Variants in KLC1 observed in about 807,000 individuals in gnomAD.
The protein encoded by KLC1 is kinesin 2 60/70kDa.
A neutral mutation model predicts 84.2 loss-of-function variants in KLC1; 30 were observed. The ratio of observed to expected loss-of-function variants is 0.36; its 90% CI spans 0.27 to 0.48. The LOEUF is 0.48. Among genes scored for constraint, KLC1 ranks in the 20% least tolerant of loss-of-function variants. The pLI, the probability that KLC1 is intolerant of heterozygous loss-of-function variation, is 0.99. For synonymous variants in KLC1, 289 were observed against 293.3 expected, an observed-to-expected ratio of 0.99 and a Z score of 0.15; for missense variants, 499 against 805.4, an observed-to-expected ratio of 0.62 and a Z score of 4.60.
rs998354568 is a variant in KLC1, at chr14:103,675,783, A to T, written c.1379+27A>T. 1.9e-6 allele frequency: 3 copies of T among 1,598,824 alleles called. No homozygotes were observed. In the South Asian group the frequency reaches 3.3e-5, roughly 18 times the overall value. ...TATGTCTGGAATTGCGTTTGGCTGG[A>T]AAAACCAAAAAGCAGGGGGAAGGTA... On this transcript the variant is annotated intron_variant, in intron 11 of 16. Transcript: ENST00000334553.
At chr14:103,635,819 TGA>T (rs1003221710) in intron 1 of KLC1, among the ~76,000 whole-genome samples, 14 of 151,530 alleles carry the variant, frequency 9.2e-5, no homozygotes, top group South Asian at 2.1e-4. Flanking sequence ...AATTTGAGGG[TGA>T]GAGAGGGGAA....
At chr14:103,640,733 G>A (rs906860653) in intron 1 of KLC1, among the ~76,000 whole-genome samples, 18 of 152,078 alleles carry the variant, frequency 1.2e-4, no homozygotes, top group African/African-American at 4.1e-4. Context: ...TATGTATTTT[G>A]TATTTATGTG....
At chr14:103,662,291 C>T (rs566406737) in intron 4 of KLC1, 97 bp downstream of exon 4, 42 of 993,650 alleles carry the variant, frequency 4.2e-5, no homozygotes, top group African/African-American at 4.1e-4. Flanking sequence ...TTAGTGCATG[C>T]GGCCTGCCTG....
At chr14:103,645,265 G>T (rs1467908374) in intron 1 of KLC1, among the ~76,000 whole-genome samples, 2 of 151,492 alleles carry the variant, frequency 1.3e-5, no homozygotes, top group Middle Eastern at 3.5e-3. Flanking sequence ...GAGCCACTGC[G>T]CCTGGCCTGG....
In KLC1 at chr14:103,673,124, C is replaced by T; in HGVS notation, c.1098C>T (p.Leu366=). The T allele has an allele frequency of 6.2e-7, 1 of 1,613,978 alleles. No individual in the cohort carries two copies. Among genetic ancestry groups the T allele is most frequent in the Non-Finnish European group, 8.5e-7 (1 of 1,180,008 alleles). ...EEVEYYYQRA[L]EIYQTKLGPD... is the part of the protein sequence containing the mutation. ...TAGAATATTATTATCAAAGAGCCCT[C>T]GAGATCTACCAGACAAAACTGGGAC... Residue 366 remains leucine, a synonymous_variant, in exon 8 of 17, where the codon CTC becomes CTT. Coordinates refer to ENST00000334553, the MANE Select transcript of KLC1 (RefSeq NM_001394837.1).
At position 103,693,915 on chromosome 14, in the gene KLC1, G is replaced by A; in HGVS notation, c.1848+1490G>A. 1 of 1,259,358 alleles carries A rather than the reference G, an allele frequency of 7.9e-7. No homozygotes were observed. The highest frequency in any genetic ancestry group is 1.0e-6 in the Non-Finnish European group (1 of 999,956). 78.0% of individuals were successfully genotyped at this position (1,259,358 alleles called of 1,614,324 possible). A position where few individuals can be genotyped will look rare whatever the true frequency, so the allele number is the denominator to read the frequency against. ...TTCAGCACGCTGGGGATTGGCTCCTGCTCACGGATGCTGTTGCATTTCCTG... is the reference window on the plus strand; with the variant it reads ...TTCAGCACGCTGGGGATTGGCTCCTACTCACGGATGCTGTTGCATTTCCTG... On this transcript the variant is annotated intron_variant, in intron 15 of 16. Coordinates refer to ENST00000334553, the MANE Select transcript of KLC1 (RefSeq NM_001394837.1). This position sits in a 1 kb window ranked among gnomAD's most constrained non-coding sequence, Gnocchi z 5.1.
intron 9 of KLC1, among the ~76,000 whole-genome samples, chr14:103,674,796 T>C (rs2080740988): frequency 6.6e-6 from 1 of 152,176 alleles, no homozygotes; most frequent in Non-Finnish European, 1.5e-5. Context: ...TGTTTAGTGC[T>C]CACATTCTGA....
chr14:103,700,925 T>C lies in KLC1; in HGVS notation c.*1+198T>C, dbSNP rs975939482. Among the ~76,000 whole-genome samples, 6 of 152,274 alleles carry C rather than the reference T, an allele frequency of 3.9e-5. No individual in the cohort carries two copies. In the Middle Eastern group the frequency reaches 0.017, roughly 432 times the overall value. Reference sequence around the variant, plus strand: ...GGGCCACAGAGTGGGGGGGTGGGAATGGCACCAGGCTCTGCTTATGCAAGA... The same window carrying C: ...GGGCCACAGAGTGGGGGGGTGGGAACGGCACCAGGCTCTGCTTATGCAAGA... On this transcript the variant is annotated intron_variant, in intron 16 of 16. Coordinates refer to ENST00000334553, the MANE Select transcript of KLC1 (RefSeq NM_001394837.1).
At chr14:103,669,171 T>A (rs2080160735) in intron 5 of KLC1, among the ~76,000 whole-genome samples, 1 of 151,840 alleles carries the variant, frequency 6.6e-6, no homozygotes, top group African/African-American at 2.4e-5. Flanking sequence ...GCACGATGGC[T>A]CATGCCTGTA....
At chr14:103,699,049 C>T (rs765373047) in intron 15 of KLC1, 11 of 1,567,230 alleles carry the variant, frequency 7.0e-6, no homozygotes, top group South Asian at 7.0e-5. Flanking sequence ...AGCTGGCGCT[C>T]AGGCTTGGTG....
chr14:103,698,335 A>G (rs1595613668), intron 15 of KLC1: 1 of 191,984 alleles, frequency 5.2e-6, no homozygotes, highest in Non-Finnish European at 1.1e-5. Context: ...GTGGTGGGGG[A>G]GTAAGGACTG....
At chr14:103,635,491 T>G (rs776129316) in intron 1 of KLC1, among the ~76,000 whole-genome samples, 1 of 152,030 alleles carries the variant, frequency 6.6e-6, no homozygotes, top group Non-Finnish European at 1.5e-5. Context: ...TGGTGGCTAA[T>G]GTCTGTAATC....
chr14:103,631,830 C>T (rs2076710965), intron 1 of KLC1, among the ~76,000 whole-genome samples: 1 of 151,524 alleles, frequency 6.6e-6, no homozygotes. Context: ...AACTGCTGAC[C>T]TCAGGCGATC....
intron 1 of KLC1, among the ~76,000 whole-genome samples, chr14:103,640,330 G>T (rs1166357093): frequency 1.3e-5 from 2 of 151,996 alleles, no homozygotes; most frequent in Admixed American, 1.3e-4. Context: ...AAAATTCTGG[G>T]ATTACAGGCA....
chr14:103,654,939 TC>T, intron 2 of KLC1, 114 bp downstream of exon 2: 1 of 1,255,768 alleles, frequency 8.0e-7, no homozygotes, highest in Non-Finnish European at 1.1e-6. Flanking sequence ...GAATAACAGA[TC>T]CAGGCCGAGT....
rs942033354 is a variant in KLC1 at position 103,687,024 on chromosome 14, C to T, written c.1651-57C>T. 14 of 1,441,912 alleles carry T rather than the reference C, an allele frequency of 9.7e-6. No individual in the cohort carries two copies. The African/African-American group carries it at 1.8e-4, about 19-fold the overall frequency. 89.3% of individuals were successfully genotyped at this position (1,441,912 alleles called of 1,614,324 possible). On this transcript the variant is annotated intron_variant, in intron 13 of 16. Coordinates refer to ENST00000334553, the MANE Select transcript of KLC1 (RefSeq NM_001394837.1). ...GCTCTTATTTGCACCCGGTGTGGCT[C>T]TTGTGGGAAGGAGGGAGAACCACCT...
At chr14:103,666,777 C>CT (rs67276843) in intron 5 of KLC1, among the ~76,000 whole-genome samples, 104 of 111,640 alleles carry the variant, frequency 9.3e-4, no homozygotes, top group East Asian at 4.3e-3. Context: ...TTTTTTCTTT[C>CT]TTTTTTTTTT....
intron 1 of KLC1, among the ~76,000 whole-genome samples, chr14:103,634,045 T>A (rs2076878137): frequency 6.6e-6 from 1 of 151,972 alleles, no homozygotes. Flanking sequence ...ATTTTTGTAT[T>A]TTTAGTAGAG....
At chr14:103,670,780 A>C (rs151147557) in intron 7 of KLC1, among the ~76,000 whole-genome samples, 1 of 151,738 alleles carries the variant, frequency 6.6e-6, no homozygotes, top group Non-Finnish European at 1.5e-5. Context: ...CATACAAATC[A>C]GTGTTTAAGA....
Sources: gnomAD v4.1 joint callset for allele counts (sites outside exome capture counted in the v4.1 genomes callset) on GRCh38, gnomAD v4.1.1 for gene constraint, Gnocchi (gnomAD v3.1) non-coding constraint, MANE v1.5 for transcripts, NCBI Gene and HGNC (gene_info 2026-07-23, HGNC 2026-07-21) for gene names.